Variants in FANCI observed in about 807,000 individuals in gnomAD.
The protein encoded by FANCI is Fanconi anemia group I protein.
In FANCI, 156 loss-of-function variants were observed where a neutral mutation model predicts 176.1. The observed-to-expected ratio is 0.89, with a 90% CI of 0.78 to 1.01. FANCI has a LOEUF of 1.01. Ranked by LOEUF, FANCI falls within the 50% of genes least tolerant of loss-of-function variation. The pLI is 0.00. For synonymous variants in FANCI, 613 were observed against 541.7 expected (o/e 1.13, Z -1.83); for missense variants, 1,678 against 1,534.1 (o/e 1.09, Z -1.57).
At chr15:89,268,333 A>C in intron 9 of FANCI, 66 bp from the exon 10 acceptor site, 1 of 1,595,316 alleles carries the variant, frequency 6.3e-7, no homozygotes, top group Admixed American at 1.7e-5. Context: ...GGCCTCCCAA[A>C]GTGCTGGCAT....
chr15:89,300,389 A>G lies in FANCI; in HGVS notation c.2889+4A>G. On this transcript the variant is annotated splice_donor_region_variant and intron_variant, in intron 26 of 37. Coordinates refer to ENST00000310775, the MANE Select transcript of FANCI (RefSeq NM_001113378.2). ...ATTCCAGATCCGGCAATTTCAGGTG[A>G]GAAGCCTTGCAAAGCTGCTGTACTG... 1 of 1,613,424 alleles carries G rather than the reference A, an allele frequency of 6.2e-7. No homozygotes were observed. The highest frequency in any genetic ancestry group is 8.5e-7 in the Non-Finnish European group (1 of 1,179,440).
intron 12 of FANCI, among the ~76,000 whole-genome samples, chr15:89,275,651 C>A (rs1486589928): frequency 1.3e-5 from 2 of 152,034 alleles, no homozygotes; most frequent in Non-Finnish European, 2.9e-5. Context: ...TATTCTTTTT[C>A]CTGAGGTTTA....
chr15:89,312,998 A>G (rs2055030890), intron 35 of FANCI, 26 bp downstream of exon 35: 1 of 1,610,610 alleles, frequency 6.2e-7, no homozygotes, highest in Admixed American at 1.7e-5. Flanking sequence ...TGACCGTTAA[A>G]ATATGCTTGT....
At chr15:89,256,318 A>G (rs896103593) in intron 2 of FANCI, among the ~76,000 whole-genome samples, 1 of 152,210 alleles carries the variant, frequency 6.6e-6, no homozygotes, top group African/African-American at 2.4e-5. Flanking sequence ...CTGGGGGACA[A>G]AAATCACTGG....
At chr15:89,262,274 A>G (rs1354571817) in intron 6 of FANCI, among the ~76,000 whole-genome samples, 1 of 151,758 alleles carries the variant, frequency 6.6e-6, no homozygotes. Context: ...GAGGGAGTAG[A>G]ATATACAAGT....
rs2055177068 is a variant in FANCI, at chr15:89,315,185, A to G, written c.3817-97A>G. 7 of 888,746 alleles carry G rather than the reference A, an allele frequency of 7.9e-6. No homozygotes were observed. In the Admixed American group the frequency reaches 1.2e-4, roughly 15 times the overall value. The allele number at this position is 888,746 out of a possible 1,614,324, so 55.1% of individuals were successfully genotyped here. A position where few individuals can be genotyped will look rare whatever the true frequency, so the allele number is the denominator to read the frequency against. On this transcript the variant is annotated intron_variant, in intron 36 of 37. Coordinates refer to ENST00000310775, the MANE Select transcript of FANCI (RefSeq NM_001113378.2). ...GGGTGCGTGCTTGCTTTAGGTAGAA[A>G]TGGAAAGGTTTCTCAGAGGTGAACT...
rs755057745 is a variant in FANCI, at chr15:89,303,855, C to G, written c.3007-9C>G. On this transcript the variant is annotated splice_polypyrimidine_tract_variant and intron_variant, in intron 27 of 37. Coordinates refer to ENST00000310775, the MANE Select transcript of FANCI (RefSeq NM_001113378.2). The stretch of plus-strand genomic sequence containing the variant: ...TGTTTCTTTAATATCTGAATGATCT[C>G]TAATTTAGTTTGTGCAGATGTTATC... 5 of 1,612,888 alleles carry G rather than the reference C, an allele frequency of 3.1e-6. No individual in the cohort carries two copies. In the East Asian group the frequency reaches 6.7e-5, roughly 22 times the overall value.
At chr15:89,303,004 A>G (rs1014744977) in intron 27 of FANCI, among the ~76,000 whole-genome samples, 1 of 152,106 alleles carries the variant, frequency 6.6e-6, no homozygotes, top group African/African-American at 2.4e-5. Context: ...CCTCTCCCCA[A>G]ATAAGTAAAC....
intron 24 of FANCI, among the ~76,000 whole-genome samples, chr15:89,295,401 C>T (rs190275198): frequency 6.7e-5 from 10 of 149,476 alleles, no homozygotes; most frequent in Admixed American, 2.0e-4. Context: ...CATGGCAGCT[C>T]ATGCCTGTAA....
intron 32 of FANCI, 131 bp downstream of exon 32, chr15:89,306,325 C>G (rs2054716489): frequency 1.1e-6 from 1 of 919,478 alleles, no homozygotes; most frequent in Non-Finnish European, 1.7e-6. Flanking sequence ...CTTGGCAGGT[C>G]ATGGTTTCAT....
chr15:89,312,859 C>T, intron 34 of FANCI, 45 bp from the exon 35 acceptor site: 8 of 1,492,684 alleles, frequency 5.4e-6, no homozygotes, highest in Non-Finnish European at 7.4e-6. Context: ...GCTAGCTCCA[C>T]AGAAAAATCA....
Position 89,276,858 on chromosome 15 carries a change from G to A in FANCI, c.1260G>A (p.Lys420=). Residue 420 remains lysine (K), a synonymous_variant, in exon 13 of 38, where the codon AAG becomes AAA. Transcript: ENST00000310775. ...LSRMPNQHAC[K]LGANILLETF... is the part of the protein sequence containing the mutation. ...GAATGCCAAACCAGCATGCATGTAAGCTCGGAGCTAATATCCTGTTGGAAA... is the reference window on the plus strand; with the variant it reads ...GAATGCCAAACCAGCATGCATGTAAACTCGGAGCTAATATCCTGTTGGAAA... The A allele has an allele frequency of 6.2e-7, 1 of 1,614,162 alleles. No homozygotes were observed. The highest frequency in any genetic ancestry group is 8.5e-7 in the Non-Finnish European group (1 of 1,180,026).
Position 89,316,285 on chromosome 15 carries a change from A to G in FANCI, c.3925-112A>G, listed in dbSNP as rs1280834994. 5 of 1,093,692 alleles carry G rather than the reference A, an allele frequency of 4.6e-6. No homozygotes were observed. The African/African-American group carries it at 7.8e-5, about 17-fold the overall frequency. 67.7% of individuals were successfully genotyped at this position (1,093,692 alleles called of 1,614,324 possible). A position where few individuals can be genotyped will look rare whatever the true frequency, so the allele number is the denominator to read the frequency against. ...CTGTGAGTGGGAAAGTGGGGAAAGCATGACTAACAAAGGCTTTGATGAGAA... is the reference window on the plus strand; with the variant it reads ...CTGTGAGTGGGAAAGTGGGGAAAGCGTGACTAACAAAGGCTTTGATGAGAA... On this transcript the variant is annotated intron_variant, in intron 37 of 37. Transcript: ENST00000310775.
chr15:89,289,432 G>A (rs1269153332), intron 18 of FANCI, among the ~76,000 whole-genome samples: 6 of 151,936 alleles, frequency 3.9e-5, no homozygotes, highest in African/African-American at 1.5e-4. Context: ...AGCCTCCCAA[G>A]TAGCTGGGAT....
At chr15:89,311,711 C>T (rs1030637172) in intron 34 of FANCI, among the ~76,000 whole-genome samples, 1 of 152,218 alleles carries the variant, frequency 6.6e-6, no homozygotes, top group African/African-American at 2.4e-5. Flanking sequence ...TTTTCCAGAA[C>T]GTGGCATGTG....
intron 10 of FANCI, 64 bp from the exon 11 acceptor site, chr15:89,273,310 TAAA>T (rs59945953): frequency 1.1e-3 from 673 of 596,380 alleles, no homozygotes; most frequent in African/African-American, 4.3e-3. Context: ...TTTTTTTTTT[TAAA>T]AAAAAAAAAA....
Position 89,290,197 on chromosome 15 carries a change from C to A in FANCI, c.1822-16C>A, listed in dbSNP as rs367621730. 4.4e-6 allele frequency: 7 copies of A among 1,607,396 alleles called. No homozygotes were observed. The African/African-American group carries it at 8.0e-5, about 18-fold the overall frequency. On this transcript the variant is annotated splice_polypyrimidine_tract_variant and intron_variant, in intron 18 of 37. Transcript: ENST00000310775. ...CTCTGTTAAAGTGCTTATTTCTTCT[C>A]TTTGATTCCTCTTAGGGGTTTTATG...
chr15:89,264,699 C>G, intron 9 of FANCI, 92 bp downstream of exon 9: 3 of 1,103,014 alleles, frequency 2.7e-6, no homozygotes, highest in South Asian at 1.3e-5. Flanking sequence ...TCTCTCACCG[C>G]CTACCTTCAC....
Position 89,293,978 on chromosome 15 carries a change from C to A in FANCI, c.2437C>A (p.Leu813Ile), listed in dbSNP as rs1567165767. 1.2e-6 allele frequency: 2 copies of A among 1,614,164 alleles called. No individual in the cohort carries two copies. The highest frequency in any genetic ancestry group is 1.7e-5 in the Admixed American group (1 of 60,032). The change falls in exon 23 of 38, where the codon CTT becomes ATT. Residue 813 changes from leucine to isoleucine, a missense_variant. Leu to Ile is a conservative substitution (Grantham distance 5). Around this residue, in one of 3 missense-constraint regions of FANCI, gnomAD observed 1,204 missense variants for 1,077.4 expected, o/e 1.12. Coordinates refer to ENST00000310775, the MANE Select transcript of FANCI (RefSeq NM_001113378.2). ...TTTGTCCATGAAATTTGTGTCCAGT[C>A]TTCTCACTGCTCTTTTCAGGTAAGG... Reference protein sequence around the residue: ...SLLSMKFVSSLLTALFRDSIQ... With the variant: ...SLLSMKFVSSILTALFRDSIQ...
Sources: gnomAD v4.1 joint callset for allele counts (sites outside exome capture counted in the v4.1 genomes callset) on GRCh38, gnomAD v4.1.1 for gene constraint, gnomAD v4.1.1 regional missense constraint, MANE v1.5 for transcripts, NCBI Gene and HGNC (gene_info 2026-07-23, HGNC 2026-07-21) for gene names.